TMEM26: variants seen among roughly 807,000 people sequenced by gnomAD.
The protein encoded by TMEM26 is transmembrane protein 26.
TMEM26 carries 38 observed loss-of-function variants against 28.8 expected under a neutral mutation model. The observed-to-expected ratio is 1.32, with a 90% CI of 1.02 to 1.73. The LOEUF is 1.73. Among genes scored for constraint, TMEM26 ranks in the 40% most tolerant of loss-of-function variants. The pLI is 0.00. For synonymous variants in TMEM26, 227 were observed against 182.9 expected, an observed-to-expected ratio of 1.24 and a Z score of -1.95; for missense variants, 518 against 447.1, an observed-to-expected ratio of 1.16 and a Z score of -1.43.
chr10:61,422,552 AC>A (rs1338100800), intron 4 of TMEM26, among the ~76,000 whole-genome samples: 2 of 152,166 alleles, frequency 1.3e-5, no homozygotes, highest in Non-Finnish European at 2.9e-5. Flanking sequence ...TTTCTAAACA[AC>A]CCATGTCAAA....
chr10:61,422,909 C>T (rs191948946), intron 4 of TMEM26, among the ~76,000 whole-genome samples: 15 of 152,084 alleles, frequency 9.9e-5, no homozygotes, highest in African/African-American at 3.4e-4. Flanking sequence ...ATCAACAAAA[C>T]CAATAAACCT....
At chr10:61,420,841 G>A (rs1164617224) in intron 4 of TMEM26, among the ~76,000 whole-genome samples, 2 of 151,838 alleles carry the variant, frequency 1.3e-5, no homozygotes, top group Non-Finnish European at 2.9e-5. Flanking sequence ...TCCACATGGA[G>A]AAATGAAGTG....
chr10:61,436,145 A>G (rs996127974), intron 2 of TMEM26, 25 bp downstream of exon 2: 3 of 1,478,914 alleles, frequency 2.0e-6, no homozygotes, highest in African/African-American at 1.4e-5. Flanking sequence ...GAATAGGTCA[A>G]TTCCTACTTT....
chr10:61,424,296 A>T (rs992476313), intron 4 of TMEM26, among the ~76,000 whole-genome samples: 1 of 152,182 alleles, frequency 6.6e-6, no homozygotes, highest in African/African-American at 2.4e-5. Context: ...TTAAAAAAAT[A>T]ATTCCACTAC....
intron 5 of TMEM26, chr10:61,412,789 A>C (rs915196547): frequency 1.8e-5 from 5 of 283,978 alleles, no homozygotes; most frequent in Non-Finnish European, 3.2e-5. Flanking sequence ...ATTAATTTCA[A>C]TTTAAAGAGC....
At chr10:61,449,261 G>GA (rs1297218353) in intron 1 of TMEM26, among the ~76,000 whole-genome samples, 2 of 140,138 alleles carry the variant, frequency 1.4e-5, no homozygotes, top group East Asian at 4.1e-4. Context: ...AATATTAGGT[G>GA]AAAAAAAAGC....
At position 61,410,165 on chromosome 10, in the gene TMEM26, T is replaced by C. The variant is rs1360274639; in HGVS notation, c.*157A>G. 2.6e-6 allele frequency: 2 copies of C among 772,708 alleles called. No individual in the cohort carries two copies. Among genetic ancestry groups the C allele is most frequent in the East Asian group, 2.7e-5 (1 of 36,882 alleles). 47.9% of individuals were successfully genotyped at this position (772,708 alleles called of 1,614,324 possible). On this transcript the variant is annotated 3_prime_UTR_variant, in exon 6 of 6. Coordinates refer to ENST00000399298, the MANE Select transcript of TMEM26 (RefSeq NM_178505.8). ...ACTAATCAAAGTTCCTTCTATTCAG[T>C]TGAAAAAAGAAAATTCCTCAGCTTT... is the stretch of plus-strand genomic sequence containing the variant.
At chr10:61,426,713 G>A (rs547346398) in intron 4 of TMEM26, among the ~76,000 whole-genome samples, 1 of 152,138 alleles carries the variant, frequency 6.6e-6, no homozygotes, top group African/African-American at 2.4e-5. Context: ...CTACAATGAA[G>A]TGATCCCTTC....
chr10:61,410,691 G>A lies in TMEM26; in HGVS notation c.738C>T (p.Phe246=). Reference sequence around the variant, plus strand: ...ACAGATCGGCACTGTACTGGCAAAAGAACAGGCTGGGGAATCCCCTCTCTG... The same window carrying A: ...ACAGATCGGCACTGTACTGGCAAAAAAACAGGCTGGGGAATCCCCTCTCTG... ...SVTERGFPSL[F]FCQYSADLWN... is the part of the protein sequence containing the mutation. The change falls in exon 6 of 6, where the codon TTC becomes TTT. Residue 246 remains phenylalanine, a synonymous_variant. Coordinates refer to ENST00000399298, the MANE Select transcript of TMEM26 (RefSeq NM_178505.8). 2 of 1,614,116 alleles carry A rather than the reference G, an allele frequency of 1.2e-6. No homozygotes were observed. Among genetic ancestry groups the A allele is most frequent in the Non-Finnish European group, 1.7e-6 (2 of 1,180,014 alleles).
rs1043047930 is a variant in TMEM26, at chr10:61,415,208, A to G, written c.606-1673T>C. 4.2e-6 allele frequency: 4 copies of G among 962,372 alleles called. No homozygotes were observed. In the African/African-American group the frequency reaches 7.1e-5, roughly 17 times the overall value. 59.6% of individuals were successfully genotyped at this position (962,372 alleles called of 1,614,324 possible). A position where few individuals can be genotyped will look rare whatever the true frequency, so the allele number is the denominator to read the frequency against. On this transcript the variant is annotated intron_variant, in intron 4 of 5. Coordinates refer to ENST00000399298, the MANE Select transcript of TMEM26 (RefSeq NM_178505.8). ...GAAAGAGCATTTCACAGCAGCAGCC[A>G]TAAAAAAGGGCTCAAAGATTTTCCC...
intron 4 of TMEM26, chr10:61,414,210 G>T: frequency 3.5e-6 from 1 of 289,264 alleles, no homozygotes. Context: ...ATATACAAAT[G>T]TCCTAGACCT....
At chr10:61,411,682 A>C (rs1839571981) in intron 5 of TMEM26, among the ~76,000 whole-genome samples, 1 of 152,252 alleles carries the variant, frequency 6.6e-6, no homozygotes, top group Non-Finnish European at 1.5e-5. Flanking sequence ...TTTTCCAGTT[A>C]AACAAAAGGA....
intron 4 of TMEM26, among the ~76,000 whole-genome samples, chr10:61,422,916 A>T (rs1839771880): frequency 6.6e-6 from 1 of 152,090 alleles, no homozygotes; most frequent in South Asian, 2.1e-4. Context: ...AAACCAATAA[A>T]CCTGATCAAA....
intron 1 of TMEM26, among the ~76,000 whole-genome samples, chr10:61,444,076 AG>A (rs1281081543): frequency 6.6e-6 from 1 of 152,228 alleles, no homozygotes; most frequent in African/African-American, 2.4e-5. Context: ...CTACTACCTC[AG>A]AAATCATTTA....
At position 61,410,545 on chromosome 10, in the gene TMEM26, A is replaced by C. The variant is rs1425099193; in HGVS notation, c.884T>G (p.Leu295Arg). Residue 295 changes from leucine (L) to arginine (R), a missense_variant, in exon 6 of 6, where the codon CTC becomes CGC. Leu to Arg is a moderately radical substitution (Grantham distance 102). Transcript: ENST00000399298. ...GCGGTAGAGTTGCAACACCACCACG[A>C]GGAAGTTCTTCGCGGCAAAGAACAC... Reference protein sequence around the residue: ...MLVFFAAKNFLVVVLQLYRLV... With the variant: ...MLVFFAAKNFRVVVLQLYRLV... 11 of 1,614,040 alleles carry C rather than the reference A, an allele frequency of 6.8e-6. No homozygotes were observed. Among genetic ancestry groups the C allele is most frequent in the Non-Finnish European group, 9.3e-6 (11 of 1,180,040 alleles).
At chr10:61,426,221 A>T (rs1158320935) in intron 4 of TMEM26, among the ~76,000 whole-genome samples, 1 of 152,136 alleles carries the variant, frequency 6.6e-6, no homozygotes, top group Admixed American at 6.6e-5. Flanking sequence ...AATTTCTAGG[A>T]AAGAAAAATC....
chr10:61,432,495 C>T (rs976622760), intron 2 of TMEM26, among the ~76,000 whole-genome samples: 1 of 151,924 alleles, frequency 6.6e-6, no homozygotes, highest in Non-Finnish European at 1.5e-5. Context: ...TGTAGCTGTA[C>T]CCAATGAAAA....
At chr10:61,428,700 T>C (rs1415858285) in intron 4 of TMEM26, among the ~76,000 whole-genome samples, 1 of 152,098 alleles carries the variant, frequency 6.6e-6, no homozygotes, top group Non-Finnish European at 1.5e-5. Context: ...CAGAGAATAT[T>C]ATGTGTCTCT....
Position 61,409,599 on chromosome 10 carries a change from C to T in TMEM26, c.*723G>A, listed in dbSNP as rs981451205. 3.3e-5 allele frequency: 5 copies of T among 152,184 alleles called. No individual in the cohort carries two copies. The highest frequency in any genetic ancestry group is 1.2e-4 in the African/African-American group (5 of 41,430). 9.4% of individuals were successfully genotyped at this position (152,184 alleles called of 1,614,324 possible). ...GTTCAGAGTAGAAATTGTGACTTTGCTAGCATTTCACCAATATTTCCTGCC... is the reference window on the plus strand; with the variant it reads ...GTTCAGAGTAGAAATTGTGACTTTGTTAGCATTTCACCAATATTTCCTGCC... On this transcript the variant is annotated 3_prime_UTR_variant, in exon 6 of 6. Coordinates refer to ENST00000399298, the MANE Select transcript of TMEM26 (RefSeq NM_178505.8).
Sources: gnomAD v4.1 joint callset for allele counts (sites outside exome capture counted in the v4.1 genomes callset) on GRCh38, gnomAD v4.1.1 for gene constraint, MANE v1.5 for transcripts, NCBI Gene and HGNC (gene_info 2026-07-23, HGNC 2026-07-21) for gene names.